ZNF440: variants seen among roughly 807,000 people sequenced by gnomAD.
The protein encoded by ZNF440 is zinc finger protein 440.
In ZNF440, 47 loss-of-function variants were observed where a neutral mutation model predicts 49.7. The observed-to-expected ratio is 0.95, with a 90% confidence interval of 0.75 to 1.21. The LOEUF (loss-of-function observed/expected upper bound fraction) is 1.21. Among genes scored for constraint, ZNF440 ranks in the 50% most tolerant of loss-of-function variants. ZNF440 has a pLI of 0.00. For synonymous variants in ZNF440, 255 were observed against 237.7 expected (o/e 1.07, Z -0.67); for missense variants, 703 against 715.0 (o/e 0.98, Z 0.19).
intron 1 of ZNF440, among the ~76,000 whole-genome samples, chr19:11,824,617 A>T (rs939229429): frequency 2.0e-5 from 3 of 152,066 alleles, no homozygotes; most frequent in Non-Finnish European, 2.9e-5. Context: ...TTTATTATTT[A>T]GAACAGTGGT....
chr19:11,814,547 C>T, intron 1 of ZNF440, 97 bp downstream of exon 1: 1 of 1,314,688 alleles, frequency 7.6e-7, no homozygotes, highest in Admixed American at 3.7e-5. Flanking sequence ...GCGGCGACTC[C>T]GGGGTCGTGG....
At chr19:11,823,195 T>C (rs963289334) in intron 1 of ZNF440, among the ~76,000 whole-genome samples, 2 of 152,182 alleles carry the variant, frequency 1.3e-5, no homozygotes, top group Admixed American at 6.6e-5. Flanking sequence ...GGCTCTCCTG[T>C]GTCTTCTCAT....
chr19:11,835,183 G>A lies in ZNF440; in HGVS notation c.*2219G>A, dbSNP rs1330601611. 6.6e-6 allele frequency: 1 copy of A among 152,186 alleles called. No individual in the cohort carries two copies. 9.4% of individuals were successfully genotyped at this position (152,186 alleles called of 1,614,324 possible). A position where few individuals can be genotyped will look rare whatever the true frequency, so the allele number is the denominator to read the frequency against. On this transcript the variant is annotated 3_prime_UTR_variant, in exon 4 of 4. Transcript: ENST00000304060. ...AATGGAGACCATCCTGGCCAACACA[G>A]TGAAACCCAGTCTCTACTAAAAAAT... is the stretch of plus-strand genomic sequence containing the variant.
intron 1 of ZNF440, among the ~76,000 whole-genome samples, chr19:11,824,677 A>C (rs2685667): frequency 0.39 from 56,236 of 145,586 alleles, 11,024 homozygotes; most frequent in African/African-American, 0.47. Context: ...CAGCATTTTT[A>C]TTCCAGGCTC....
chr19:11,817,349 A>C (rs887710384), intron 1 of ZNF440: 1 of 152,374 alleles, frequency 6.6e-6, no homozygotes, highest in East Asian at 1.9e-4. Flanking sequence ...TAATCTAAGC[A>C]CTTTGGGAGG....
chr19:11,833,916 G>A lies in ZNF440; in HGVS notation c.*952G>A. On this transcript the variant is annotated 3_prime_UTR_variant, in exon 4 of 4. Transcript: ENST00000304060. The stretch of plus-strand genomic sequence containing the variant: ...AAACAATTAACTGTTTATAATAACT[G>A]TATACTAACAAATGATATTCTTTTT... The A allele has an allele frequency of 3.2e-6, 1 of 308,012 alleles. No individual in the cohort carries two copies. The highest frequency in any genetic ancestry group is 4.6e-5 in the Admixed American group (1 of 21,854). 19.1% of individuals were successfully genotyped at this position (308,012 alleles called of 1,614,324 possible). A position where few individuals can be genotyped will look rare whatever the true frequency, so the allele number is the denominator to read the frequency against.
At chr19:11,824,481 T>C (rs974943123) in intron 1 of ZNF440, among the ~76,000 whole-genome samples, 1 of 152,162 alleles carries the variant, frequency 6.6e-6, no homozygotes, top group African/African-American at 2.4e-5. Flanking sequence ...CATCAGTGTG[T>C]TTTATTTTTG....
Position 11,832,510 on chromosome 19 carries a change from C to T in ZNF440, c.1334C>T (p.Thr445Ile). Residue 445 changes from threonine to isoleucine, a missense_variant, in exon 4 of 4, where the codon ACA becomes ATA. Coordinates refer to ENST00000304060, the MANE Select transcript of ZNF440 (RefSeq NM_152357.3). ...YVNNLQSHERTQTHIRIHSGE... is the reference protein window; with the variant it reads ...YVNNLQSHERIQTHIRIHSGE... ...AATAACCTTCAAAGTCATGAAAGGA[C>T]ACAAACACACATAAGAATACACTCT... The T allele has an allele frequency of 1.2e-6, 2 of 1,613,310 alleles. No individual in the cohort carries two copies. Among genetic ancestry groups the T allele is most frequent in the Non-Finnish European group, 1.7e-6 (2 of 1,179,900 alleles).
chr19:11,831,298 C>T, intron 3 of ZNF440, 70 bp from the exon 4 acceptor site: 1 of 1,538,224 alleles, frequency 6.5e-7, no homozygotes, highest in South Asian at 1.3e-5. Context: ...AATGCAAGTG[C>T]AATACTTGTT....
chr19:11,830,302 A>G lies in ZNF440; in HGVS notation c.23A>G (p.Asp8Gly), dbSNP rs1374442627. 6.2e-7 allele frequency: 1 copy of G among 1,614,120 alleles called. No homozygotes were observed. Residue 8 changes from aspartate to glycine, a missense_variant, in exon 2 of 4, where the codon GAT (aspartate) becomes GGT (glycine). Coordinates refer to ENST00000304060, the MANE Select transcript of ZNF440 (RefSeq NM_152357.3). ...TTTCAGGACCCAGTGGCTTTTAAGG[A>G]TGTGGCTGTGAACTTCACCCAGGAG... MDPVAFKDVAVNFTQEEW... is the reference protein window; with the variant it reads MDPVAFKGVAVNFTQEEW...
chr19:11,831,939 C>G lies in ZNF440; in HGVS notation c.763C>G (p.Pro255Ala). 2 of 1,613,932 alleles carry G rather than the reference C, an allele frequency of 1.2e-6. No homozygotes were observed. Among genetic ancestry groups the G allele is most frequent in the Non-Finnish European group, 1.7e-6 (2 of 1,179,942 alleles). Reference sequence around the variant, plus strand: ...TAAAAGAACTCACACTGGAGAAAAGCCTTATGAATATCAGGAGTGTGGGAA... The same window carrying G: ...TAAAAGAACTCACACTGGAGAAAAGGCTTATGAATATCAGGAGTGTGGGAA... Reference protein sequence around the residue: ...IHKRTHTGEKPYEYQECGKAF... With the variant: ...IHKRTHTGEKAYEYQECGKAF... Residue 255 changes from proline (P) to alanine (A), a missense_variant, in exon 4 of 4, where the codon CCT becomes GCT. Transcript: ENST00000304060.
intron 3 of ZNF440, 126 bp downstream of exon 3, chr19:11,830,803 A>C: frequency 8.0e-7 from 1 of 1,243,260 alleles, no homozygotes; most frequent in Non-Finnish European, 1.1e-6. Flanking sequence ...AGAATATTTG[A>C]TCAAAAAACA....
chr19:11,827,035 C>G (rs1975875253), intron 1 of ZNF440, among the ~76,000 whole-genome samples: 1 of 149,016 alleles, frequency 6.7e-6, no homozygotes. Flanking sequence ...TAATTACATT[C>G]TTTAGCGGGA....
chr19:11,817,786 C>T (rs754924114), intron 1 of ZNF440: 6 of 152,136 alleles, frequency 3.9e-5, no homozygotes, highest in Non-Finnish European at 8.8e-5. Context: ...GGGATCTTGT[C>T]TATGTAAAAG....
chr19:11,823,362 C>A (rs2685669), intron 1 of ZNF440, among the ~76,000 whole-genome samples: 1,531 of 152,106 alleles, frequency 0.01, 26 homozygotes, highest in African/African-American at 0.035. Context: ...TAACACCCCC[C>A]CAACCATACT....
At chr19:11,825,801 T>TTTTC (rs60267987) in intron 1 of ZNF440, among the ~76,000 whole-genome samples, 5 of 58,608 alleles carry the variant, frequency 8.5e-5, no homozygotes, top group African/African-American at 2.0e-4. Flanking sequence ...CTTTTTTTTT[T>TTTTC]CTTTTCTTTT....
rs937237987 is a variant in ZNF440, at chr19:11,831,632, C to T, written c.456C>T (p.Ala152=). ...KPCKCQQPKK[A]FRYRPSFRTQ... is the part of the protein sequence containing the mutation. ...GTAAGTGTCAACAACCTAAAAAAGC[C>T]TTCAGATACCGCCCCTCCTTTAGAA... Residue 152 remains alanine, a synonymous_variant, in exon 4 of 4, where the codon GCC becomes GCT. Coordinates refer to ENST00000304060, the MANE Select transcript of ZNF440 (RefSeq NM_152357.3). 19 of 1,614,038 alleles carry T rather than the reference C, an allele frequency of 1.2e-5. No individual in the cohort carries two copies. Among genetic ancestry groups the T allele is most frequent in the Non-Finnish European group, 1.6e-5 (19 of 1,180,026 alleles).
At chr19:11,819,987 C>G (rs1975779007) in intron 1 of ZNF440, among the ~76,000 whole-genome samples, 2 of 152,174 alleles carry the variant, frequency 1.3e-5, no homozygotes. Flanking sequence ...AAATCCTCCA[C>G]CCTCATACCA....
In ZNF440 at chr19:11,834,511, C is replaced by T. The variant is rs1418028057; in HGVS notation, c.*1547C>T. On this transcript the variant is annotated 3_prime_UTR_variant, in exon 4 of 4. Coordinates refer to ENST00000304060, the MANE Select transcript of ZNF440 (RefSeq NM_152357.3). ...CCTTCTTCCCCAAAACCAGCAGTGCCATACCTGCTGTCAGCAAGGGTGTAA... is the reference window on the plus strand; with the variant it reads ...CCTTCTTCCCCAAAACCAGCAGTGCTATACCTGCTGTCAGCAAGGGTGTAA... 1 of 152,118 alleles carries T rather than the reference C, an allele frequency of 6.6e-6. No homozygotes were observed. The highest frequency in any genetic ancestry group is 6.6e-5 in the Admixed American group (1 of 15,264). 9.4% of individuals were successfully genotyped at this position (152,118 alleles called of 1,614,324 possible). A position where few individuals can be genotyped will look rare whatever the true frequency, so the allele number is the denominator to read the frequency against.
Sources: allele counts gnomAD v4.1 joint callset (sites outside exome capture counted in the v4.1 genomes callset), GRCh38; gene constraint gnomAD v4.1.1; transcripts MANE v1.5; gene names NCBI Gene and HGNC (gene_info 2026-07-23, HGNC 2026-07-21).